Variants in CDH23 observed in about 807,000 individuals in gnomAD.
CDH23 encodes cadherin related 23.
Under a neutral mutation model 317.1 loss-of-function variants are expected in CDH23, and 189 were observed. That is an observed-to-expected ratio of 0.60 (90% confidence interval 0.53 to 0.67). The LOEUF (loss-of-function observed/expected upper bound fraction) is 0.67, where lower values mean the gene tolerates loss of function less well. Among genes scored for constraint, CDH23 ranks in the 30% least tolerant of loss-of-function variants. The probability of loss-of-function intolerance (pLI) is 0.00; values close to 1 mark genes in which losing one functional copy is unlikely to be tolerated. For synonymous variants in CDH23, 1,839 were observed against 1,876.8 expected, an observed-to-expected ratio of 0.98 and a Z score of 0.52; for missense variants, 4,401 against 4,592.4, an observed-to-expected ratio of 0.96 and a Z score of 1.20.
At chr10:71,629,136 A>C (rs931771089) in intron 11 of CDH23, among the ~76,000 whole-genome samples, 3 of 152,204 alleles carry the variant, frequency 2.0e-5, no homozygotes, top group Non-Finnish European at 2.9e-5. Context: ...ATATTTGTTG[A>C]ACACCTACTG....
intron 1 of CDH23, among the ~76,000 whole-genome samples, chr10:71,438,784 TTGTC>T (rs1849738713): frequency 6.6e-6 from 1 of 152,166 alleles, no homozygotes; most frequent in East Asian, 1.9e-4. Flanking sequence ...TCTGAACAAA[TTGTC>T]TGATGGCTCT....
At chr10:71,812,705 C>A (rs545223209) in intron 67 of CDH23, 63 bp from the exon 68 acceptor site, 3 of 1,611,568 alleles carry the variant, frequency 1.9e-6, no homozygotes, top group Non-Finnish European at 2.5e-6. Context: ...TAAGGGGTGG[C>A]CCCCTCCCTT....
chr10:71,589,028 C>A (rs1211631666), intron 9 of CDH23, among the ~76,000 whole-genome samples: 2 of 152,220 alleles, frequency 1.3e-5, no homozygotes, highest in African/African-American at 4.8e-5. Context: ...TCCCCCAGCT[C>A]CAGTCTGCAG....
At chr10:71,573,092 C>G (rs1261010736) in intron 8 of CDH23, among the ~76,000 whole-genome samples, 5 of 152,224 alleles carry the variant, frequency 3.3e-5, no homozygotes, top group Non-Finnish European at 7.3e-5. Context: ...GCCTCCCTCT[C>G]CTTAGGGTTT....
At position 71,784,504 on chromosome 10, in the gene CDH23, G is replaced by A. The variant is rs991885324; in HGVS notation, c.5502+84G>A. The stretch of plus-strand genomic sequence containing the variant: ...GATTCTTGTAAACATTGTTACCCTT[G>A]TGCCAAGAGAGGCCACAGGCTGCCC... On this transcript the variant is annotated intron_variant, in intron 42 of 69. Coordinates refer to ENST00000224721, the MANE Select transcript of CDH23 (RefSeq NM_022124.6). 3.9e-6 allele frequency: 6 copies of A among 1,535,256 alleles called. No individual in the cohort carries two copies. The African/African-American group carries it at 5.5e-5, about 14-fold the overall frequency.
chr10:71,545,348 C>T (rs1280592155), intron 6 of CDH23, among the ~76,000 whole-genome samples: 1 of 152,110 alleles, frequency 6.6e-6, no homozygotes, highest in African/African-American at 2.4e-5. Flanking sequence ...ATCCACCGTG[C>T]GTTTCATTAA....
intron 54 of CDH23, 41 bp downstream of exon 54, chr10:71,803,116 TGGGA>T: frequency 6.9e-7 from 1 of 1,448,700 alleles, no homozygotes; most frequent in Non-Finnish European, 9.6e-7. Context: ...TCTTGGGGGG[TGGGA>T]GGGGGAGGCC....
rs550504914 is a variant in CDH23 at position 71,782,259 on chromosome 10, T to C, written c.5369-2028T>C. On this transcript the variant is annotated intron_variant, in intron 41 of 69. Coordinates refer to ENST00000224721, the MANE Select transcript of CDH23 (RefSeq NM_022124.6). ...GCCCTTTCTGGTCACACCCATTCCT[T>C]GGACCCCTTTCCTACATCCTCACCC... Among the ~76,000 whole-genome samples the C allele has an allele frequency of 2.6e-5, 4 of 152,336 alleles. No individual in the cohort carries two copies. In the East Asian group the frequency reaches 7.7e-4, roughly 29 times the overall value.
Position 71,784,150 on chromosome 10 carries a change from G to A in CDH23, c.5369-137G>A, listed in dbSNP as rs1382202744. Reference sequence around the variant, plus strand: ...GATCTCATGAGGATCTGAAGCTGGGGTCACTGGAGGACCCGGGCCCCAGCT... The same window carrying A: ...GATCTCATGAGGATCTGAAGCTGGGATCACTGGAGGACCCGGGCCCCAGCT... On this transcript the variant is annotated intron_variant, in intron 41 of 69. Coordinates refer to ENST00000224721, the MANE Select transcript of CDH23 (RefSeq NM_022124.6). The A allele has an allele frequency of 5.0e-6, 4 of 807,582 alleles. No homozygotes were observed. In the Admixed American group the frequency reaches 8.9e-5, roughly 18 times the overall value. The allele number at this position is 807,582 out of a possible 1,614,324, so 50.0% of individuals were successfully genotyped here.
chr10:71,641,747 C>G (rs531852689), intron 11 of CDH23, among the ~76,000 whole-genome samples: 102 of 152,216 alleles, frequency 6.7e-4, no homozygotes, highest in African/African-American at 2.3e-3. Flanking sequence ...CTTCCTCCAC[C>G]CGAAATCCCT....
At chr10:71,701,946 T>C in intron 22 of CDH23, 76 bp from the exon 23 acceptor site, 1 of 1,502,846 alleles carries the variant, frequency 6.7e-7, no homozygotes, top group Non-Finnish European at 9.1e-7. Flanking sequence ...ACGTCTGAGC[T>C]CAGATACTCC....
chr10:71,451,418 C>T (rs972322905), intron 3 of CDH23, among the ~76,000 whole-genome samples: 6 of 152,336 alleles, frequency 3.9e-5, no homozygotes, highest in African/African-American at 1.4e-4. Flanking sequence ...AGCCCAGCAC[C>T]TGCCACCTGT....
rs117899653 is a variant in CDH23 at position 71,655,175 on chromosome 10, A to G, written c.1449+8558A>G. Among the ~76,000 whole-genome samples, 48 of 152,234 alleles carry G rather than the reference A, an allele frequency of 3.2e-4. No homozygotes were observed. The East Asian group carries it at 8.5e-3, about 27-fold the overall frequency. ...TCCAGCCTGGGACGAGCTCTCCGTG[A>G]CTGGGAAGTGAAAAGACAGTGATCC... On this transcript the variant is annotated intron_variant, in intron 14 of 69. Coordinates refer to ENST00000224721, the MANE Select transcript of CDH23 (RefSeq NM_022124.6).
At chr10:71,736,140 C>T (rs968503931) in intron 34 of CDH23, among the ~76,000 whole-genome samples, 4 of 152,220 alleles carry the variant, frequency 2.6e-5, no homozygotes, top group Non-Finnish European at 5.9e-5. Context: ...TTGAGGGCTT[C>T]GGAGCACACA....
Position 71,751,132 on chromosome 10 carries a change from A to G in CDH23, c.4845+9211A>G. 1.7e-6 allele frequency: 2 copies of G among 1,186,480 alleles called. No individual in the cohort carries two copies. Among genetic ancestry groups the G allele is most frequent in the Admixed American group, 2.5e-5 (1 of 39,362 alleles). The allele number at this position is 1,186,480 out of a possible 1,614,324, so 73.5% of individuals were successfully genotyped here. A position where few individuals can be genotyped will look rare whatever the true frequency, so the allele number is the denominator to read the frequency against. On this transcript the variant is annotated intron_variant, in intron 38 of 69. Coordinates refer to ENST00000224721, the MANE Select transcript of CDH23 (RefSeq NM_022124.6). The surrounding 1 kb of genome is among the most constrained non-coding windows in gnomAD (Gnocchi z 4.9). ...GGCTTCTGGGATGTCACAGTATCTGAGCCCAGAGCAGGAGGGAGGGAACCA... is the reference window on the plus strand; with the variant it reads ...GGCTTCTGGGATGTCACAGTATCTGGGCCCAGAGCAGGAGGGAGGGAACCA...
rs755407596 is a variant in CDH23 at position 71,751,623 on chromosome 10, A to G, written c.4845+9702A>G. The G allele has an allele frequency of 4.0e-6, 6 of 1,503,514 alleles. No homozygotes were observed. The highest frequency in any genetic ancestry group is 1.4e-5 in the African/African-American group (1 of 71,340). The allele number at this position is 1,503,514 out of a possible 1,614,324, so 93.1% of individuals were successfully genotyped here. A position where few individuals can be genotyped will look rare whatever the true frequency, so the allele number is the denominator to read the frequency against. ...CCGATGCCCTGCAGGCCATGAGGTC[A>G]TGACCTTACAGGTCATCGTGCTGTG... On this transcript the variant is annotated intron_variant, in intron 38 of 69. Transcript: ENST00000224721. The surrounding 1 kb of genome is among the most constrained non-coding windows in gnomAD (Gnocchi z 4.9).
chr10:71,789,817 G>A (rs1037637928), intron 45 of CDH23, among the ~76,000 whole-genome samples: 12 of 152,242 alleles, frequency 7.9e-5, no homozygotes, highest in Admixed American at 2.0e-4. Flanking sequence ...AGGCCTGTGC[G>A]TGCTCCTGGA....
chr10:71,588,696 A>G (rs1859255267), intron 9 of CDH23, among the ~76,000 whole-genome samples: 1 of 152,100 alleles, frequency 6.6e-6, no homozygotes, highest in Non-Finnish European at 1.5e-5. Context: ...AATCCCCACA[A>G]AATATTGCAG....
intron 6 of CDH23, among the ~76,000 whole-genome samples, chr10:71,516,904 G>A (rs566200170): frequency 6.6e-6 from 1 of 152,160 alleles, no homozygotes; most frequent in East Asian, 1.9e-4. Flanking sequence ...TGCTCAGCCC[G>A]GGTCCCAGGA....
Sources: gnomAD v4.1 joint callset for allele counts (sites outside exome capture counted in the v4.1 genomes callset) on GRCh38, gnomAD v4.1.1 for gene constraint, Gnocchi (gnomAD v3.1) non-coding constraint, MANE v1.5 for transcripts, NCBI Gene and HGNC (gene_info 2026-07-23, HGNC 2026-07-21) for gene names.